The following CSMD1 variants were observed in gnomAD, a reference collection of about 807,000 sequenced individuals.
CSMD1 encodes CUB and sushi domain-containing protein 1.
CSMD1 carries 213 observed loss-of-function variants against 417.5 expected under a neutral mutation model. That is an observed-to-expected ratio of 0.51 (90% CI 0.46 to 0.57). The LOEUF (loss-of-function observed/expected upper bound fraction) is 0.57, where lower values mean the gene tolerates loss of function less well. CSMD1 is among the 20% of genes least tolerant of loss of function. CSMD1 has a pLI of 0.00. For missense variants in CSMD1, 6,923 were observed against 4,529.7 expected, an observed-to-expected ratio of 1.53 and a Z score of -15.17; for synonymous variants, 2,862 against 1,736.8, an observed-to-expected ratio of 1.65 and a Z score of -16.11.
intron 50 of CSMD1, among the ~76,000 whole-genome samples, chr8:3,039,129 C>T (rs932355364): frequency 3.3e-5 from 5 of 152,100 alleles, no homozygotes; most frequent in Admixed American, 2.0e-4. Flanking sequence ...CTGTAAACAC[C>T]GTGTGAGTGA....
intron 4 of CSMD1, among the ~76,000 whole-genome samples, chr8:4,024,607 T>A (rs1486623530): frequency 6.6e-6 from 1 of 152,178 alleles, no homozygotes; most frequent in East Asian, 1.9e-4. Flanking sequence ...TGCCCATTTC[T>A]TAAGGTTCTT....
chr8:3,851,052 T>C (rs1563144296), intron 5 of CSMD1, among the ~76,000 whole-genome samples: 2 of 152,192 alleles, frequency 1.3e-5, no homozygotes, highest in Non-Finnish European at 2.9e-5. Flanking sequence ...TTTGTAGAAA[T>C]GAATGTAGAA....
intron 2 of CSMD1, among the ~76,000 whole-genome samples, chr8:4,565,776 A>ATG (rs1346454295): frequency 5.4e-4 from 22 of 40,372 alleles, no homozygotes; most frequent in Non-Finnish European, 1.2e-3. Flanking sequence ...ATATATATAT[A>ATG]TATATATATA....
intron 5 of CSMD1, among the ~76,000 whole-genome samples, chr8:3,809,330 T>C (rs1440107672): frequency 1.3e-5 from 2 of 152,196 alleles, no homozygotes; most frequent in African/African-American, 4.8e-5. Flanking sequence ...ACGATTTTTA[T>C]CGATAAATAT....
intron 23 of CSMD1, among the ~76,000 whole-genome samples, chr8:3,335,554 G>C (rs1329293856): frequency 6.6e-6 from 1 of 152,126 alleles, no homozygotes; most frequent in Non-Finnish European, 1.5e-5. Flanking sequence ...TTGGGTACCT[G>C]TAATCCCAGC....
At chr8:4,972,125 C>T (rs73659426) in intron 1 of CSMD1, among the ~76,000 whole-genome samples, 280 of 152,212 alleles carry the variant, frequency 1.8e-3, no homozygotes, top group African/African-American at 6.3e-3. Flanking sequence ...AGAGTAATAT[C>T]GTTATACGCT....
intron 3 of CSMD1, among the ~76,000 whole-genome samples, chr8:4,343,439 C>T (rs1052754179): frequency 2.6e-5 from 4 of 152,042 alleles, no homozygotes. Context: ...AAAATGGTCA[C>T]TATGTGTGGT....
chr8:4,630,628 T>C (rs1450077976), intron 2 of CSMD1, among the ~76,000 whole-genome samples: 2 of 152,182 alleles, frequency 1.3e-5, no homozygotes, highest in African/African-American at 4.8e-5. Context: ...TCCTAAAATC[T>C]GTAGGTAGAA....
intron 3 of CSMD1, among the ~76,000 whole-genome samples, chr8:4,042,995 G>T (rs1308137551): frequency 1.3e-5 from 2 of 151,736 alleles, no homozygotes; most frequent in Non-Finnish European, 2.9e-5. Flanking sequence ...AGCTGGGTGT[G>T]GTGACTTGCA....
chr8:3,609,184 A>C (rs1324412341), intron 8 of CSMD1, among the ~76,000 whole-genome samples: 1 of 152,218 alleles, frequency 6.6e-6, no homozygotes, highest in African/African-American at 2.4e-5. Flanking sequence ...ACTTATAAAC[A>C]TGAGGATAAT....
chr8:4,522,422 G>C (rs1031049696), intron 2 of CSMD1, among the ~76,000 whole-genome samples: 46 of 152,116 alleles, frequency 3.0e-4, no homozygotes, highest in African/African-American at 1.1e-3. Context: ...GTATCAGAAA[G>C]TTCATTACAA....
chr8:3,271,338 T>C (rs1442780437), intron 26 of CSMD1, among the ~76,000 whole-genome samples: 1 of 151,986 alleles, frequency 6.6e-6, no homozygotes, highest in African/African-American at 2.4e-5. Context: ...TTGTTGGACA[T>C]TTGGGTTGGT....
rs79626351 is a variant in CSMD1, at chr8:3,627,584, C to A, written c.1010-10787G>T. On this transcript the variant is annotated intron_variant, in intron 7 of 69. Transcript: ENST00000635120. ...GTATCTGTAAATGTGGAAAAGGTAA[C>A]AATCTAATATTATATTCTATAGTGT... Among the ~76,000 whole-genome samples, 590 of 152,158 alleles carry A rather than the reference C, an allele frequency of 3.9e-3. 7 individuals are homozygous for A. Among genetic ancestry groups the A allele is most frequent in the African/African-American group, 0.014 (566 of 41,512 alleles).
intron 22 of CSMD1, among the ~76,000 whole-genome samples, chr8:3,346,566 C>G (rs1808012055): frequency 6.6e-6 from 1 of 152,178 alleles, no homozygotes; most frequent in African/African-American, 2.4e-5. Flanking sequence ...TAAAACCACT[C>G]TACTAAATTA....
At chr8:3,713,526 G>C (rs374400466) in intron 6 of CSMD1, among the ~76,000 whole-genome samples, 1 of 152,030 alleles carries the variant, frequency 6.6e-6, no homozygotes, top group Non-Finnish European at 1.5e-5. Flanking sequence ...CCCACAGCCA[G>C]ACATCTGCCT....
At chr8:4,828,800 C>T (rs1190311476) in intron 1 of CSMD1, among the ~76,000 whole-genome samples, 1 of 152,090 alleles carries the variant, frequency 6.6e-6, no homozygotes, top group Non-Finnish European at 1.5e-5. Flanking sequence ...ATCAGATGAG[C>T]CCAGAAGTAC....
rs150604983 is a variant in CSMD1 at position 4,966,917 on chromosome 8, C to G, written c.85+27415G>C. Among the ~76,000 whole-genome samples, 139 of 152,252 alleles carry G rather than the reference C, an allele frequency of 9.1e-4. No homozygotes were observed. In the Middle Eastern group the frequency reaches 0.024, roughly 26 times the overall value. On this transcript the variant is annotated intron_variant, in intron 1 of 69. Coordinates refer to ENST00000635120, the MANE Select transcript of CSMD1 (RefSeq NM_033225.6). Reference sequence around the variant, plus strand: ...AAAATATCAACTAAAGTGACTGAAGCATTGGCAATCCAGTGTTGCAAATTC... The same window carrying G: ...AAAATATCAACTAAAGTGACTGAAGGATTGGCAATCCAGTGTTGCAAATTC...
intron 1 of CSMD1, among the ~76,000 whole-genome samples, chr8:4,950,979 AAAAC>A (rs1388223011): frequency 2.0e-5 from 2 of 99,640 alleles, no homozygotes; most frequent in African/African-American, 8.0e-5. Context: ...AACAAAAACA[AAAAC>A]AAAAACAAAC....
chr8:3,657,560 C>G (rs1278643152), intron 7 of CSMD1, among the ~76,000 whole-genome samples: 1 of 152,060 alleles, frequency 6.6e-6, no homozygotes, highest in Non-Finnish European at 1.5e-5. Flanking sequence ...ATGGATGATG[C>G]TGGAAACCAT....
Sources: allele counts gnomAD v4.1 joint callset (sites outside exome capture counted in the v4.1 genomes callset), GRCh38; gene constraint gnomAD v4.1.1; transcripts MANE v1.5; gene names NCBI Gene and HGNC (gene_info 2026-07-23, HGNC 2026-07-21).